The following TMEM245 variants were observed in gnomAD, a reference collection of about 807,000 sequenced individuals.
TMEM245 encodes the protein protein CG-2.
Under a neutral mutation model 101.2 loss-of-function variants are expected in TMEM245, and 69 were observed. The ratio of observed to expected loss-of-function variants is 0.68; its 90% confidence interval spans 0.56 to 0.83. TMEM245 has a LOEUF of 0.83. Ranked by LOEUF, TMEM245 falls within the 40% of genes least tolerant of loss-of-function variation. TMEM245 has a pLI of 0.00. For missense variants in TMEM245, 1,075 were observed against 1,092.8 expected (o/e 0.98, Z 0.23); for synonymous variants, 537 against 449.8 (o/e 1.19, Z -2.45).
intron 14 of TMEM245, among the ~76,000 whole-genome samples, chr9:109,044,799 G>A (rs570233977): frequency 7.3e-6 from 1 of 137,756 alleles, no homozygotes; most frequent in African/African-American, 2.8e-5. Context: ...TCTCACTGTC[G>A]CCCAGGCTGC....
intron 1 of TMEM245, 99 bp from the exon 2 acceptor site, chr9:109,108,669 G>A (rs906336840): frequency 3.7e-5 from 29 of 774,968 alleles, no homozygotes; most frequent in East Asian, 5.5e-5. Flanking sequence ...GGAATGCTCT[G>A]GACATAGCAC....
chr9:109,098,559 A>C (rs1029510099), intron 3 of TMEM245, among the ~76,000 whole-genome samples: 2 of 152,178 alleles, frequency 1.3e-5, no homozygotes, highest in Non-Finnish European at 2.9e-5. Context: ...GAGTCCAAAA[A>C]AAAAAACAAA....
Position 109,087,159 on chromosome 9 carries a change from T to C in TMEM245, c.1320+14A>G, listed in dbSNP as rs1829863170. ...AACTCCATTAAGACAGCCCAAGTCC[T>C]TAAAATACAATACCTTGCTATCAAC... On this transcript the variant is annotated intron_variant, in intron 6 of 17. Coordinates refer to ENST00000374586, the MANE Select transcript of TMEM245 (RefSeq NM_032012.4). 6 of 1,595,338 alleles carry C rather than the reference T, an allele frequency of 3.8e-6. No individual in the cohort carries two copies. Among genetic ancestry groups the C allele is most frequent in the Non-Finnish European group, 5.1e-6 (6 of 1,174,170 alleles).
chr9:109,078,112 T>C (rs979218193), intron 8 of TMEM245, among the ~76,000 whole-genome samples: 2 of 152,212 alleles, frequency 1.3e-5, no homozygotes, highest in African/African-American at 2.4e-5. Context: ...TTTTAATTTA[T>C]CATAATCTAC....
intron 14 of TMEM245, chr9:109,046,311 A>T (rs377699937): frequency 1.9e-6 from 1 of 534,272 alleles, no homozygotes. Flanking sequence ...CAGAGCAAGC[A>T]GAATGGGAGC....
chr9:109,027,584 C>A (rs1343068879), intron 17 of TMEM245, among the ~76,000 whole-genome samples: 1 of 152,216 alleles, frequency 6.6e-6, no homozygotes, highest in African/African-American at 2.4e-5. Flanking sequence ...GGACCAAAAT[C>A]ACTGACATTA....
chr9:109,090,801 C>T (rs1285618130), intron 5 of TMEM245, 121 bp downstream of exon 5: 2 of 810,152 alleles, frequency 2.5e-6, no homozygotes, highest in African/African-American at 3.5e-5. Flanking sequence ...TAAATGCAAA[C>T]ATAAGATTGT....
intron 2 of TMEM245, among the ~76,000 whole-genome samples, 198 bp downstream of exon 2, chr9:109,108,255 G>T (rs1168883422): frequency 1.3e-5 from 2 of 151,886 alleles, no homozygotes; most frequent in Non-Finnish European, 1.5e-5. Flanking sequence ...TTTGGAAAAT[G>T]AACATAATTA....
chr9:109,026,664 T>C (rs958432016), intron 17 of TMEM245, among the ~76,000 whole-genome samples: 6 of 150,468 alleles, frequency 4.0e-5, no homozygotes, highest in East Asian at 1.9e-4. Flanking sequence ...GCATACGTGA[T>C]AGAGTTTGGC....
intron 7 of TMEM245, among the ~76,000 whole-genome samples, chr9:109,085,012 A>G (rs781558477): frequency 6.6e-5 from 10 of 152,222 alleles, no homozygotes; most frequent in African/African-American, 9.6e-5. Flanking sequence ...GCCTGATATA[A>G]TATTTCCACA....
At chr9:109,049,125 C>T (rs1192889352) in intron 14 of TMEM245, among the ~76,000 whole-genome samples, 1 of 152,214 alleles carries the variant, frequency 6.6e-6, no homozygotes, top group Admixed American at 6.5e-5. Flanking sequence ...GTCTAAGATC[C>T]TGCTGATGGA....
At position 109,105,521 on chromosome 9, in the gene TMEM245, G is replaced by A. The variant is rs4978769; in HGVS notation, c.799+987C>T. On this transcript the variant is annotated intron_variant, in intron 3 of 17. Coordinates refer to ENST00000374586, the MANE Select transcript of TMEM245 (RefSeq NM_032012.4). ...CATAGGTAAACAAAGAACTGAAAAC[G>A]TGTATTCAAATAAATACTTGCACAC... Among the ~76,000 whole-genome samples, 1,384 of 152,240 alleles carry A rather than the reference G, an allele frequency of 9.1e-3. 74 individuals carry two copies. In the East Asian group the frequency reaches 0.15, roughly 16 times the overall value.
At chr9:109,089,356 C>G (rs563886172) in intron 5 of TMEM245, among the ~76,000 whole-genome samples, 3 of 152,000 alleles carry the variant, frequency 2.0e-5, no homozygotes, top group Non-Finnish European at 2.9e-5. Flanking sequence ...ATTTAATTAA[C>G]TATCCAATTG....
At chr9:109,074,872 A>C (rs1219468415) in intron 8 of TMEM245, among the ~76,000 whole-genome samples, 1 of 152,182 alleles carries the variant, frequency 6.6e-6, no homozygotes, top group African/African-American at 2.4e-5. Flanking sequence ...GGGGAAAACA[A>C]ACTGATTTCA....
In TMEM245 at chr9:109,017,884, G is replaced by C. The variant is rs796959036; in HGVS notation, c.*2576C>G. 36 of 152,180 alleles carry C rather than the reference G, an allele frequency of 2.4e-4. No homozygotes were observed. The highest frequency in any genetic ancestry group is 8.4e-4 in the African/African-American group (35 of 41,506). 9.4% of individuals were successfully genotyped at this position (152,180 alleles called of 1,614,324 possible). ...ATGCTGGAATGCTTCTTTCTGGCTCGGAGGGTTCCAAGACCTCCCCAGCTA... is the reference window on the plus strand; with the variant it reads ...ATGCTGGAATGCTTCTTTCTGGCTCCGAGGGTTCCAAGACCTCCCCAGCTA... On this transcript the variant is annotated 3_prime_UTR_variant, in exon 18 of 18. Transcript: ENST00000374586.
At chr9:109,024,326 T>C (rs1374203287) in intron 17 of TMEM245, among the ~76,000 whole-genome samples, 1 of 152,250 alleles carries the variant, frequency 6.6e-6, no homozygotes, top group East Asian at 1.9e-4. Context: ...TAGGATTTAC[T>C]ATGTCCCATC....
At chr9:109,081,581 C>G (rs1829667503) in intron 7 of TMEM245, among the ~76,000 whole-genome samples, 1 of 152,016 alleles carries the variant, frequency 6.6e-6, no homozygotes, top group Admixed American at 6.6e-5. Flanking sequence ...AGGAGGGGCA[C>G]AAAACAGCCT....
At chr9:109,073,143 T>C (rs1829385476) in intron 9 of TMEM245, 1 of 537,864 alleles carries the variant, frequency 1.9e-6, no homozygotes, top group Non-Finnish European at 3.4e-6. Context: ...CAAAGTATCA[T>C]TTACCATGAA....
chr9:109,051,295 A>ACACAC (rs1828673125), intron 12 of TMEM245, among the ~76,000 whole-genome samples: 1 of 135,152 alleles, frequency 7.4e-6, no homozygotes, highest in African/African-American at 2.9e-5. Context: ...TCTGTCTCAA[A>ACACAC]ACACACACAC....
Sources: allele counts gnomAD v4.1 joint callset (sites outside exome capture counted in the v4.1 genomes callset), GRCh38; gene constraint gnomAD v4.1.1; transcripts MANE v1.5; gene names NCBI Gene and HGNC (gene_info 2026-07-23, HGNC 2026-07-21).